Variants in LRFN5 observed in about 807,000 individuals in gnomAD.
The protein encoded by LRFN5 is leucine-rich repeat and fibronectin type-III domain-containing protein 5.
LRFN5 carries 24 observed loss-of-function variants against 45.6 expected under a neutral mutation model. That is an observed-to-expected ratio of 0.53 (90% CI 0.38 to 0.74). The LOEUF (loss-of-function observed/expected upper bound fraction) is 0.74, where lower values mean the gene tolerates loss of function less well. LRFN5 is among the 30% of genes least tolerant of loss of function. The probability of loss-of-function intolerance (pLI) is 0.00; values close to 1 mark genes in which losing one functional copy is unlikely to be tolerated. For synonymous variants in LRFN5, 340 were observed against 313.8 expected, an observed-to-expected ratio of 1.08 and a Z score of -0.88; for missense variants, 776 against 861.5, an observed-to-expected ratio of 0.90 and a Z score of 1.24.
intron 1 of LRFN5, among the ~76,000 whole-genome samples, chr14:41,658,940 G>T (rs1055802161): frequency 6.6e-6 from 1 of 151,622 alleles, no homozygotes; most frequent in Non-Finnish European, 1.5e-5. Flanking sequence ...TTCCTTAATT[G>T]TTCTCTTTTC....
intron 2 of LRFN5, among the ~76,000 whole-genome samples, chr14:41,869,524 A>G (rs1369869817): frequency 6.6e-6 from 1 of 151,996 alleles, no homozygotes; most frequent in East Asian, 1.9e-4. Context: ...TAAAAATTAT[A>G]TCGAGTACTA....
intron 1 of LRFN5, among the ~76,000 whole-genome samples, chr14:41,695,719 C>T (rs1019039958): frequency 6.6e-6 from 1 of 152,036 alleles, no homozygotes; most frequent in East Asian, 1.9e-4. Context: ...ACCTACTGCT[C>T]AGGAAAAAGG....
At chr14:41,882,232 A>AT (rs71440758) in intron 2 of LRFN5, among the ~76,000 whole-genome samples, 22,069 of 150,742 alleles carry the variant, frequency 0.15, 1,688 homozygotes, top group East Asian at 0.22. Flanking sequence ...CACCCCTAGC[A>AT]TTTTTTTTTC....
chr14:41,693,871 C>G (rs977787427), intron 1 of LRFN5, among the ~76,000 whole-genome samples: 11 of 151,960 alleles, frequency 7.2e-5, no homozygotes, highest in African/African-American at 2.4e-4. Flanking sequence ...TCAGTGTCCT[C>G]CATTGGTTTA....
chr14:41,900,223 A>T, intron 5 of LRFN5, among the ~76,000 whole-genome samples: 1 of 152,128 alleles, frequency 6.6e-6, no homozygotes, highest in East Asian at 1.9e-4. Context: ...ACACAAGCCA[A>T]AATGGTACTA....
intron 2 of LRFN5, among the ~76,000 whole-genome samples, chr14:41,802,423 G>A (rs374428957): frequency 4.6e-5 from 7 of 152,234 alleles, no homozygotes; most frequent in African/African-American, 1.7e-4. Flanking sequence ...AGGAGATAAG[G>A]AATTCCATCA....
chr14:41,629,558 C>G (rs1289330044), intron 1 of LRFN5, among the ~76,000 whole-genome samples: 8 of 152,148 alleles, frequency 5.3e-5, no homozygotes, highest in Non-Finnish European at 1.2e-4. Flanking sequence ...AAATATTGTT[C>G]AAGGATAACT....
At chr14:41,663,101 A>G (rs560052455) in intron 1 of LRFN5, among the ~76,000 whole-genome samples, 18 of 152,242 alleles carry the variant, frequency 1.2e-4, no homozygotes, top group Non-Finnish European at 2.4e-4. Context: ...CTAATTTCAT[A>G]TGTATAGAAA....
At chr14:41,617,808 G>A (rs1887976222) in intron 1 of LRFN5, among the ~76,000 whole-genome samples, 1 of 152,118 alleles carries the variant, frequency 6.6e-6, no homozygotes, top group South Asian at 2.1e-4. Flanking sequence ...TATGCTGTAA[G>A]TAATAAATAA....
intron 1 of LRFN5, among the ~76,000 whole-genome samples, chr14:41,657,436 T>A (rs1880430841): frequency 6.6e-6 from 1 of 151,936 alleles, no homozygotes; most frequent in African/African-American, 2.4e-5. Flanking sequence ...GTCACTGGAA[T>A]TAACACTGTG....
chr14:41,694,004 T>C (rs917770665), intron 1 of LRFN5, among the ~76,000 whole-genome samples: 1 of 151,998 alleles, frequency 6.6e-6, no homozygotes. Flanking sequence ...CAATTATTTT[T>C]CTGCAGCTAT....
intron 2 of LRFN5, among the ~76,000 whole-genome samples, chr14:41,820,667 C>A (rs1888083058): frequency 6.6e-6 from 1 of 151,786 alleles, no homozygotes; most frequent in South Asian, 2.1e-4. Context: ...TCATATTGGT[C>A]ATTTCAGAGT....
intron 2 of LRFN5, among the ~76,000 whole-genome samples, chr14:41,792,947 A>G (rs1886980884): frequency 6.9e-6 from 1 of 144,526 alleles, no homozygotes; most frequent in Admixed American, 7.0e-5. Context: ...GAATTGAACA[A>G]TGAGAACACA....
At chr14:41,618,171 T>C (rs1482427059) in intron 1 of LRFN5, among the ~76,000 whole-genome samples, 1 of 152,202 alleles carries the variant, frequency 6.6e-6, no homozygotes, top group Non-Finnish European at 1.5e-5. Context: ...ATAACTGTTA[T>C]CAGGACAAAT....
At chr14:41,790,346 A>G (rs1425396418) in intron 2 of LRFN5, among the ~76,000 whole-genome samples, 1 of 151,682 alleles carries the variant, frequency 6.6e-6, no homozygotes, top group Non-Finnish European at 1.5e-5. Context: ...ATTACCAGTG[A>G]CGTATAAACT....
intron 1 of LRFN5, among the ~76,000 whole-genome samples, chr14:41,682,440 A>C (rs963725131): frequency 6.6e-6 from 1 of 152,094 alleles, no homozygotes; most frequent in African/African-American, 2.4e-5. Flanking sequence ...AAAGCAAAGC[A>C]AAGCCAAAAT....
At chr14:41,754,143 A>C (rs1220794449) in intron 1 of LRFN5, among the ~76,000 whole-genome samples, 1 of 152,068 alleles carries the variant, frequency 6.6e-6, no homozygotes, top group Admixed American at 6.5e-5. Context: ...AAGCTTTTTG[A>C]TGTGCTGCTG....
At chr14:41,630,779 C>T (rs375076872) in intron 1 of LRFN5, among the ~76,000 whole-genome samples, 13 of 152,082 alleles carry the variant, frequency 8.5e-5, no homozygotes, top group African/African-American at 2.6e-4. Flanking sequence ...CTTTTATATA[C>T]GATTAGAAAT....
chr14:41,855,636 G>C (rs1277411872), intron 2 of LRFN5, among the ~76,000 whole-genome samples: 1 of 152,016 alleles, frequency 6.6e-6, no homozygotes, highest in Non-Finnish European at 1.5e-5. Flanking sequence ...AAAATATAAC[G>C]ACAAAAGTGT....
Sources: gnomAD v4.1 joint callset for allele counts (sites outside exome capture counted in the v4.1 genomes callset) on GRCh38, gnomAD v4.1.1 for gene constraint, MANE v1.5 for transcripts, NCBI Gene and HGNC (gene_info 2026-07-23, HGNC 2026-07-21) for gene names.